Variants in IL1RAPL1 observed in about 807,000 individuals in gnomAD.
IL1RAPL1 encodes interleukin 1 receptor accessory protein like 1, also known as interleukin-1 receptor accessory protein-like 1.
IL1RAPL1 carries 3 observed loss-of-function variants against 48.4 expected under a neutral mutation model. The ratio of observed to expected loss-of-function variants is 0.06; its 90% CI spans 0.03 to 0.16. The LOEUF (loss-of-function observed/expected upper bound fraction) is 0.16, where lower values mean the gene tolerates loss of function less well. Among genes scored for constraint, IL1RAPL1 ranks in the 10% least tolerant of loss-of-function variants. The pLI, the probability that IL1RAPL1 is intolerant of heterozygous loss-of-function variation, is 1.00. For synonymous variants in IL1RAPL1, 185 were observed against 187.7 expected (o/e 0.99, Z 0.12); for missense variants, 349 against 530.6 (o/e 0.66, Z 3.36).
At chrX:29,075,810 AT>A (rs1927657884) in intron 2 of IL1RAPL1, among the ~76,000 whole-genome samples, 1 of 111,732 alleles carries the variant, frequency 8.9e-6, no homozygotes, top group African/African-American at 3.2e-5. Context: ...GATTTGGGCA[AT>A]ACCCAGGACT....
chrX:29,138,101 C>A (rs780278890), intron 2 of IL1RAPL1, among the ~76,000 whole-genome samples: 4 of 112,252 alleles, frequency 3.6e-5, no homozygotes, highest in Non-Finnish European at 7.5e-5. Flanking sequence ...TGCCTTATTT[C>A]ATTAAATTTT....
chrX:29,489,357 G>A (rs185306476), intron 5 of IL1RAPL1, among the ~76,000 whole-genome samples: 212 of 111,313 alleles, frequency 1.9e-3, no homozygotes, highest in Non-Finnish European at 2.6e-3. Context: ...AAGGCAAGGG[G>A]GTAAAAGGAG....
intron 2 of IL1RAPL1, among the ~76,000 whole-genome samples, chrX:29,211,847 A>T (rs1930775158): frequency 9.0e-6 from 1 of 111,198 alleles, no homozygotes; most frequent in South Asian, 3.8e-4. Flanking sequence ...GGTTTTCCTG[A>T]TCTCTACATA....
chrX:29,642,970 A>G (rs1925211509), intron 5 of IL1RAPL1, among the ~76,000 whole-genome samples: 1 of 112,323 alleles, frequency 8.9e-6, no homozygotes, highest in African/African-American at 3.2e-5. Context: ...TCAGCAATTT[A>G]TCAGACTCGA....
chrX:29,001,295 G>T (rs1407891398), intron 2 of IL1RAPL1, among the ~76,000 whole-genome samples: 2 of 111,805 alleles, frequency 1.8e-5, no homozygotes, highest in East Asian at 5.6e-4. Flanking sequence ...GAGAAAAAAA[G>T]TCTTAGAATA....
intron 2 of IL1RAPL1, among the ~76,000 whole-genome samples, chrX:29,147,109 A>G (rs188334181): frequency 7.1e-5 from 8 of 112,601 alleles, no homozygotes; most frequent in African/African-American, 2.6e-4. Context: ...CTGAAGTTCC[A>G]GCAGTTCCTT....
Position 29,809,889 on chromosome X carries a change from AAT to A in IL1RAPL1, c.779-107573_779-107572del, listed in dbSNP as rs748692110. Among the ~76,000 whole-genome samples the A allele has an allele frequency of 2.2e-4, 24 of 110,438 alleles. No homozygotes were observed. In the East Asian group the frequency reaches 5.7e-3, roughly 26 times the overall value. ...CTTCAGTAAGGGTGTGTTGGTACCA[AAT>A]ACTCTCTGTTTATTTGTTGCCTGAA... On this transcript the variant is annotated intron_variant, in intron 6 of 10. Transcript: ENST00000378993.
At chrX:29,600,963 G>T (rs1923701535) in intron 5 of IL1RAPL1, among the ~76,000 whole-genome samples, 1 of 110,967 alleles carries the variant, frequency 9.0e-6, no homozygotes, top group African/African-American at 3.3e-5. Context: ...GGCAGCTGGT[G>T]CCCAGGGCTG....
At chrX:28,895,421 C>T (rs1022753758) in intron 2 of IL1RAPL1, among the ~76,000 whole-genome samples, 10 of 101,546 alleles carry the variant, frequency 9.8e-5, no homozygotes, top group Admixed American at 2.2e-4. Flanking sequence ...GGTGCATGAT[C>T]GGTCTCCAAG....
intron 5 of IL1RAPL1, among the ~76,000 whole-genome samples, chrX:29,536,396 A>G (rs1390803767): frequency 8.9e-6 from 1 of 112,166 alleles, no homozygotes; most frequent in African/African-American, 3.2e-5. Flanking sequence ...AAAAAGAAAA[A>G]GAAACATTAC....
At chrX:29,340,991 TAATTCTGAA>T (rs1325535652) in intron 3 of IL1RAPL1, among the ~76,000 whole-genome samples, 5 of 112,399 alleles carry the variant, frequency 4.4e-5, no homozygotes, top group Non-Finnish European at 3.8e-5. Context: ...GGGTTTATCA[TAATTCTGAA>T]TTAACCTATG....
At chrX:28,684,779 G>A (rs1021957067) in intron 1 of IL1RAPL1, among the ~76,000 whole-genome samples, 3 of 111,754 alleles carry the variant, frequency 2.7e-5, no homozygotes, top group Non-Finnish European at 5.6e-5. Context: ...TAGGGCTTTA[G>A]TAAATTTGTG....
At chrX:29,946,088 C>G (rs1363362930) in intron 9 of IL1RAPL1, among the ~76,000 whole-genome samples, 2 of 111,404 alleles carry the variant, frequency 1.8e-5, no homozygotes, top group African/African-American at 3.3e-5. Context: ...CAGTCAATTG[C>G]ACCTCTCAAA....
At chrX:28,862,076 A>C (rs1217474737) in intron 2 of IL1RAPL1, among the ~76,000 whole-genome samples, 1 of 111,783 alleles carries the variant, frequency 8.9e-6, no homozygotes, top group Non-Finnish European at 1.9e-5. Context: ...AATTTGAAGG[A>C]ATAATTTTAG....
intron 5 of IL1RAPL1, among the ~76,000 whole-genome samples, chrX:29,635,433 C>T (rs1444148104): frequency 1.8e-5 from 2 of 111,803 alleles, no homozygotes; most frequent in South Asian, 3.7e-4. Context: ...TTCAAAGTTT[C>T]GAGAGACAAT....
Position 29,065,009 on chromosome X carries a change from A to G in IL1RAPL1, c.83-217929A>G, listed in dbSNP as rs989239476. 2.0e-4 allele frequency among the ~76,000 whole-genome samples: 22 copies of G among 112,262 alleles called. 1 individual carries two copies. The highest frequency in any genetic ancestry group is 1.4e-3 in the Admixed American group (15 of 10,607). On this transcript the variant is annotated intron_variant, in intron 2 of 10. Coordinates refer to ENST00000378993, the MANE Select transcript of IL1RAPL1 (RefSeq NM_014271.4). ...TAGCATCATTTCCTTAAGCCAATAT[A>G]TCTTTGTTCCCTTCCACCTCATTTG...
intron 9 of IL1RAPL1, among the ~76,000 whole-genome samples, chrX:29,944,395 A>T (rs1291064462): frequency 9.2e-6 from 1 of 108,816 alleles, no homozygotes; most frequent in Non-Finnish European, 1.9e-5. Flanking sequence ...TAGAACTTCC[A>T]GACACTGTTT....
At chrX:29,804,298 G>A (rs1338038547) in intron 6 of IL1RAPL1, among the ~76,000 whole-genome samples, 1 of 111,231 alleles carries the variant, frequency 9.0e-6, no homozygotes, top group Non-Finnish European at 1.9e-5. Flanking sequence ...GTGGGTCAGG[G>A]AAAACATTAA....
chrX:29,357,345 G>A (rs1434387921), intron 3 of IL1RAPL1, among the ~76,000 whole-genome samples: 2 of 111,904 alleles, frequency 1.8e-5, no homozygotes, highest in Non-Finnish European at 3.8e-5. Flanking sequence ...TTTTAATACT[G>A]TGGTTCACTT....
Sources: gnomAD v4.1 joint callset for allele counts (sites outside exome capture counted in the v4.1 genomes callset) on GRCh38, gnomAD v4.1.1 for gene constraint, MANE v1.5 for transcripts, NCBI Gene and HGNC (gene_info 2026-07-23, HGNC 2026-07-21) for gene names.